NFIA: variants seen among roughly 807,000 people sequenced by gnomAD.
NFIA encodes nuclear factor 1 A-type.
Under a neutral mutation model 62.8 loss-of-function variants are expected in NFIA, and 8 were observed. That is an observed-to-expected ratio of 0.13 (90% CI 0.07 to 0.23). The LOEUF (loss-of-function observed/expected upper bound fraction) is 0.23, where lower values mean the gene tolerates loss of function less well. Among genes scored for constraint, NFIA ranks in the 10% least tolerant of loss-of-function variants. The pLI, the probability that NFIA is intolerant of heterozygous loss-of-function variation, is 1.00. For missense variants in NFIA, 410 were observed against 642.1 expected, an observed-to-expected ratio of 0.64 and a Z score of 3.91; for synonymous variants, 235 against 238.1, an observed-to-expected ratio of 0.99 and a Z score of 0.12.
At chr1:61,275,402 T>G (rs780952785) in intron 2 of NFIA, among the ~76,000 whole-genome samples, 2 of 152,172 alleles carry the variant, frequency 1.3e-5, no homozygotes, top group Non-Finnish European at 2.9e-5. Context: ...TAAAAAAAAT[T>G]TAGGGTCTTT....
intron 2 of NFIA, among the ~76,000 whole-genome samples, chr1:61,105,487 G>T (rs559962120): frequency 6.6e-6 from 1 of 151,794 alleles, no homozygotes; most frequent in African/African-American, 2.4e-5. Context: ...ACTTAATCAC[G>T]TAGTTGATGC....
intron 3 of NFIA, among the ~76,000 whole-genome samples, chr1:61,299,840 T>C (rs1248385931): frequency 2.0e-5 from 3 of 152,176 alleles, no homozygotes; most frequent in African/African-American, 7.2e-5. Flanking sequence ...AGAAAGAAAG[T>C]AACAAACAGG....
intron 6 of NFIA, among the ~76,000 whole-genome samples, chr1:61,364,534 C>T (rs1663480333): frequency 6.6e-6 from 1 of 152,146 alleles, no homozygotes; most frequent in Non-Finnish European, 1.5e-5. Context: ...ACTAGCAAGT[C>T]GTAAGCAGAA....
At chr1:61,194,072 G>T (rs1404344213) in intron 2 of NFIA, among the ~76,000 whole-genome samples, 13 of 152,142 alleles carry the variant, frequency 8.5e-5, no homozygotes, top group Non-Finnish European at 1.5e-5. Context: ...GATTTGACTT[G>T]ATAATTAATT....
chr1:61,280,342 G>A (rs900104850), intron 3 of NFIA, among the ~76,000 whole-genome samples: 10 of 152,146 alleles, frequency 6.6e-5, no homozygotes, highest in Admixed American at 6.5e-4. Flanking sequence ...TCTCATAGGT[G>A]TATCAACAAA....
intron 6 of NFIA, among the ~76,000 whole-genome samples, chr1:61,365,289 G>A (rs1663528779): frequency 6.6e-6 from 1 of 152,232 alleles, no homozygotes; most frequent in South Asian, 2.1e-4. Context: ...GTTACACTTT[G>A]CAAAGCACTG....
At chr1:61,168,118 A>T (rs1436794304) in intron 2 of NFIA, among the ~76,000 whole-genome samples, 1 of 152,190 alleles carries the variant, frequency 6.6e-6, no homozygotes, top group Non-Finnish European at 1.5e-5. Flanking sequence ...TTTTAAGCCA[A>T]GTTTAGCACA....
At chr1:61,414,523 T>C (rs569647122) in intron 9 of NFIA, among the ~76,000 whole-genome samples, 15 of 127,912 alleles carry the variant, frequency 1.2e-4, no homozygotes, top group Non-Finnish European at 1.5e-4. Context: ...GCTTCTTGGT[T>C]TTTTGGTTTT....
intron 2 of NFIA, among the ~76,000 whole-genome samples, chr1:61,115,311 A>C (rs1646776941): frequency 6.6e-6 from 1 of 152,244 alleles, no homozygotes; most frequent in Non-Finnish European, 1.5e-5. Flanking sequence ...TACTGGAAGT[A>C]AGGTAACATG....
At chr1:61,200,412 GAAA>G (rs887654779) in intron 2 of NFIA, among the ~76,000 whole-genome samples, 1 of 149,756 alleles carries the variant, frequency 6.7e-6, no homozygotes, top group African/African-American at 2.5e-5. Flanking sequence ...ACTTCACACA[GAAA>G]AAAAAAGAAA....
chr1:61,424,901 C>T (rs1666797830), intron 9 of NFIA, among the ~76,000 whole-genome samples: 1 of 152,166 alleles, frequency 6.6e-6, no homozygotes, highest in African/African-American at 2.4e-5. Context: ...TGGCTAAAGG[C>T]AGAGGTATTT....
chr1:61,179,625 C>A, intron 2 of NFIA, among the ~76,000 whole-genome samples: 1 of 152,166 alleles, frequency 6.6e-6, no homozygotes, highest in East Asian at 1.9e-4. Flanking sequence ...ACAAGACACA[C>A]CTGAAGGCTG....
At chr1:61,318,927 A>G (rs1660517490) in intron 3 of NFIA, among the ~76,000 whole-genome samples, 1 of 152,200 alleles carries the variant, frequency 6.6e-6, no homozygotes, top group African/African-American at 2.4e-5. Flanking sequence ...CAAAATCCAG[A>G]GTAATAGAAG....
At chr1:61,172,649 A>G (rs1268548305) in intron 2 of NFIA, among the ~76,000 whole-genome samples, 2 of 152,214 alleles carry the variant, frequency 1.3e-5, no homozygotes, top group Non-Finnish European at 2.9e-5. Flanking sequence ...AGCTCTTTTT[A>G]TAGTCAGAGG....
At chr1:61,384,149 C>T (rs1384461255) in intron 7 of NFIA, among the ~76,000 whole-genome samples, 1 of 152,144 alleles carries the variant, frequency 6.6e-6, no homozygotes, top group Non-Finnish European at 1.5e-5. Flanking sequence ...GCCATGTTTG[C>T]TTTCCTTTAT....
intron 2 of NFIA, among the ~76,000 whole-genome samples, chr1:61,103,392 C>G (rs976800122): frequency 3.3e-5 from 5 of 152,292 alleles, no homozygotes; most frequent in African/African-American, 4.8e-5. Context: ...TCTTTTCCCC[C>G]CAAGGTTAGG....
At chr1:61,310,187 G>C (rs1660023439) in intron 3 of NFIA, among the ~76,000 whole-genome samples, 1 of 151,890 alleles carries the variant, frequency 6.6e-6, no homozygotes, top group Admixed American at 6.6e-5. Flanking sequence ...CTGGGCCGAT[G>C]GCCACATTTT....
intron 10 of NFIA, among the ~76,000 whole-genome samples, chr1:61,435,180 A>G (rs7549642): frequency 0.038 from 5,854 of 152,248 alleles, 367 homozygotes; most frequent in African/African-American, 0.13. Context: ...CAGGAGGAAA[A>G]GTCATGATTC....
At chr1:61,134,041 G>T (rs893491132) in intron 2 of NFIA, among the ~76,000 whole-genome samples, 6 of 151,654 alleles carry the variant, frequency 4.0e-5, no homozygotes, top group Non-Finnish European at 8.8e-5. Context: ...CAGGAGAATC[G>T]CTTGAATCCA....
Sources: allele counts gnomAD v4.1 joint callset (sites outside exome capture counted in the v4.1 genomes callset), GRCh38; gene constraint gnomAD v4.1.1; transcripts MANE v1.5; gene names NCBI Gene and HGNC (gene_info 2026-07-23, HGNC 2026-07-21).